Variants in HDGF observed in about 807,000 individuals in gnomAD.
The protein encoded by HDGF is hepatoma-derived growth factor.
In HDGF, 5 loss-of-function variants were observed where a neutral mutation model predicts 30.0. The ratio of observed to expected loss-of-function variants is 0.17; its 90% CI spans 0.09 to 0.35. HDGF has a LOEUF of 0.35. HDGF is among the 10% of genes least tolerant of loss of function. HDGF has a pLI of 1.00. For missense variants in HDGF, 214 were observed against 302.8 expected, an observed-to-expected ratio of 0.71 and a Z score of 2.18; for synonymous variants, 133 against 112.7, an observed-to-expected ratio of 1.18 and a Z score of -1.14.
At chr1:156,753,520 A>T (rs1558038321), upstream of HDGF, among the ~76,000 whole-genome samples, 2 of 152,242 alleles carry the variant, frequency 1.3e-5, no homozygotes, top group Non-Finnish European at 2.9e-5. Context: ...CAGCATCAGA[A>T]CAGGTTTCCT....
rs150810015 is a variant in HDGF at position 156,745,349 on chromosome 1, C to A, written c.112G>T (p.Val38Leu). The A allele has an allele frequency of 1.9e-6, 3 of 1,613,670 alleles. No homozygotes were observed. The African/African-American group carries it at 4.0e-5, about 22-fold the overall frequency. ...ARIDEMPEAAVKSTANKYQVF... is the reference protein window; with the variant it reads ...ARIDEMPEAALKSTANKYQVF... ...TGGTATTTGTTGGCTGTTGATTTCA[C>A]GGCAGCCTCAGGCATCTCGTCAATC... The change falls in exon 2 of 6, where the codon GTG (valine) becomes TTG (leucine). Residue 38 changes from valine to leucine, a missense_variant. Around this residue, in one of 2 missense-constraint regions of HDGF, gnomAD observed 38 missense variants for 91.1 expected, o/e 0.42. Transcript: ENST00000357325.
At chr1:156,756,542 A>G (rs747601200), upstream of HDGF, among the ~76,000 whole-genome samples, 5 of 152,112 alleles carry the variant, frequency 3.3e-5, no homozygotes, top group Non-Finnish European at 5.9e-5. Flanking sequence ...GCAGCAAGTT[A>G]CTCAACCTTT....
chr1:156,743,246 G>C lies in HDGF; in HGVS notation c.*203C>G. 1.9e-6 allele frequency: 1 copy of C among 531,560 alleles called. No individual in the cohort carries two copies. The highest frequency in any genetic ancestry group is 2.9e-5 in the South Asian group (1 of 34,922). 32.9% of individuals were successfully genotyped at this position (531,560 alleles called of 1,614,324 possible). On this transcript the variant is annotated 3_prime_UTR_variant, in exon 6 of 6. Coordinates refer to ENST00000357325, the MANE Select transcript of HDGF (RefSeq NM_004494.3). ...CTCTGACTCAGATCATAGGAGTATG[G>C]GGACCTAGAGGTGAGAGCCAGGTGG...
intron 1 of HDGF, among the ~76,000 whole-genome samples, chr1:156,760,444 T>C (rs4661057): frequency 0.98 from 148,632 of 152,342 alleles, 72,614 homozygotes; most frequent in East Asian, 1. Flanking sequence ...CAGCTCTGGC[T>C]AGGCTGGCGG....
Position 156,751,595 on chromosome 1 carries a change from G to T in HDGF, c.-166C>A. 3.0e-6 allele frequency: 3 copies of T among 984,016 alleles called. No homozygotes were observed. Among genetic ancestry groups the T allele is most frequent in the Non-Finnish European group, 3.6e-6 (3 of 830,052 alleles). 61.0% of individuals were successfully genotyped at this position (984,016 alleles called of 1,614,324 possible). On this transcript the variant is annotated 5_prime_UTR_variant, in exon 1 of 6. Coordinates refer to ENST00000357325, the MANE Select transcript of HDGF (RefSeq NM_004494.3). The surrounding 1 kb of genome is among the most constrained non-coding windows in gnomAD (Gnocchi z 4.7). ...GCGCGGCCACGGCGTCTCCGCCCGC[G>T]CGCCGCACGGACGGGGCGGGCGCGG...
upstream of HDGF, chr1:156,752,573 A>G (rs1364188255): frequency 5.1e-6 from 3 of 586,882 alleles, no homozygotes; most frequent in African/African-American, 5.6e-5. Context: ...AAAGGTGATG[A>G]CTGAACTGGG....
At chr1:156,759,420 C>G (rs1474264007) in intron 1 of HDGF, among the ~76,000 whole-genome samples, 2 of 151,824 alleles carry the variant, frequency 1.3e-5, no homozygotes, top group East Asian at 1.9e-4. Flanking sequence ...CTCTTTTTTA[C>G]TCAGCAATAT....
At chr1:156,757,758 A>C (rs1651175971) in intron 2 of HDGF, among the ~76,000 whole-genome samples, 2 of 148,836 alleles carry the variant, frequency 1.3e-5, no homozygotes, top group South Asian at 4.2e-4. Flanking sequence ...ATGACACTGC[A>C]CTCCAGCCTG....
At chr1:156,767,194 CT>C (rs1273821310), upstream of HDGF, among the ~76,000 whole-genome samples, 1 of 152,196 alleles carries the variant, frequency 6.6e-6, no homozygotes, top group Non-Finnish European at 1.5e-5. Flanking sequence ...AGCATCATAT[CT>C]CCCAGAAATC....
chr1:156,745,244 A>G (rs375864433), intron 2 of HDGF, 53 bp downstream of exon 2: 32 of 1,608,922 alleles, frequency 2.0e-5, no homozygotes, highest in Non-Finnish European at 2.6e-5. Flanking sequence ...CACCTTCCCC[A>G]GAGTAGTCCT....
chr1:156,746,089 G>A (rs548937978), intron 1 of HDGF, among the ~76,000 whole-genome samples: 16 of 152,254 alleles, frequency 1.1e-4, no homozygotes, highest in African/African-American at 2.9e-4. Context: ...CCTCAGCTCC[G>A]CCATTACTTC....
upstream of HDGF, among the ~76,000 whole-genome samples, chr1:156,753,981 T>C (rs1651104306): frequency 6.6e-6 from 1 of 151,680 alleles, no homozygotes; most frequent in African/African-American, 2.4e-5. Flanking sequence ...AATGGTGCAA[T>C]CTCGGCTCAC....
intron 1 of HDGF, among the ~76,000 whole-genome samples, chr1:156,748,681 C>T (rs1054171984): frequency 6.6e-6 from 1 of 152,126 alleles, no homozygotes; most frequent in Non-Finnish European, 1.5e-5. Flanking sequence ...GAGAACTGAA[C>T]ACCTCTCCCC....
intron 3 of HDGF, 28 bp downstream of exon 3, chr1:156,744,980 G>A: frequency 6.2e-7 from 1 of 1,613,138 alleles, no homozygotes; most frequent in Non-Finnish European, 8.5e-7. Flanking sequence ...TGCTTTCCAG[G>A]GGGTCTCTGG....
intron 1 of HDGF, chr1:156,750,698 G>A (rs1312595125): frequency 6.6e-6 from 1 of 152,368 alleles, no homozygotes; most frequent in East Asian, 1.9e-4. Flanking sequence ...GGAGCTGAGG[G>A]CTGATGGGTT....
At chr1:156,758,129 C>A (rs1651182502) in intron 2 of HDGF, among the ~76,000 whole-genome samples, 2 of 151,486 alleles carry the variant, frequency 1.3e-5, no homozygotes, top group African/African-American at 4.8e-5. Flanking sequence ...GAAACCCCAT[C>A]TCTACTAAAA....
At chr1:156,748,157 TGTG>T (rs1650721331) in intron 1 of HDGF, among the ~76,000 whole-genome samples, 2 of 152,144 alleles carry the variant, frequency 1.3e-5, no homozygotes, top group South Asian at 4.1e-4. Flanking sequence ...TATAGGCACT[TGTG>T]GGGAAGGGCC....
At chr1:156,764,752 GGT>G (rs1651321798) in intron 1 of HDGF, among the ~76,000 whole-genome samples, 2 of 151,532 alleles carry the variant, frequency 1.3e-5, no homozygotes, top group African/African-American at 4.8e-5. Flanking sequence ...TGGGCATGGC[GGT>G]GCACACCTGT....
upstream of HDGF, among the ~76,000 whole-genome samples, chr1:156,757,231 CGAG>C (rs1558039365): frequency 6.6e-6 from 1 of 151,388 alleles, no homozygotes; most frequent in Non-Finnish European, 1.5e-5. Context: ...TTTGGGAGGC[CGAG>C]GTAGGCGATC....
Sources: allele counts gnomAD v4.1 joint callset (sites outside exome capture counted in the v4.1 genomes callset), GRCh38; gene constraint gnomAD v4.1.1; regional missense constraint gnomAD v4.1.1; non-coding constraint Gnocchi (gnomAD v3.1); transcripts MANE v1.5; gene names NCBI Gene and HGNC (gene_info 2026-07-23, HGNC 2026-07-21).